Variants in EPB41 observed in about 807,000 individuals in gnomAD.
EPB41 encodes protein 4.1.
Under a neutral mutation model 108.0 loss-of-function variants are expected in EPB41, and 65 were observed. The ratio of observed to expected loss-of-function variants is 0.60; its 90% CI spans 0.49 to 0.74. The LOEUF is 0.74. EPB41 is among the 30% of genes least tolerant of loss of function. The pLI is 0.00. For missense variants in EPB41, 875 were observed against 1,037.0 expected (o/e 0.84, Z 2.15); for synonymous variants, 336 against 358.9 (o/e 0.94, Z 0.72).
At chr1:29,100,284 CAT>C (rs1446185920) in intron 17 of EPB41, among the ~76,000 whole-genome samples, 3 of 136,766 alleles carry the variant, frequency 2.2e-5, no homozygotes, top group Non-Finnish European at 3.3e-5. Flanking sequence ...GCCTGACCAA[CAT>C]AGAGAAACCC....
chr1:28,994,541 A>G (rs1300363469), intron 3 of EPB41, among the ~76,000 whole-genome samples: 1 of 152,174 alleles, frequency 6.6e-6, no homozygotes, highest in African/African-American at 2.4e-5. Flanking sequence ...GTTGTTTATT[A>G]TGATATGCTT....
At chr1:28,947,902 C>T (rs1264472564) in intron 1 of EPB41, among the ~76,000 whole-genome samples, 1 of 152,082 alleles carries the variant, frequency 6.6e-6, no homozygotes, top group Admixed American at 6.6e-5. Context: ...TTAGTTCTTG[C>T]TAACCAGCGA....
chr1:29,016,079 AC>A (rs1357439710), intron 6 of EPB41, among the ~76,000 whole-genome samples: 2 of 152,236 alleles, frequency 1.3e-5, no homozygotes, highest in Admixed American at 1.3e-4. Flanking sequence ...AAAGGGCAAG[AC>A]ACAAATATAG....
intron 3 of EPB41, among the ~76,000 whole-genome samples, chr1:28,996,689 T>G (rs1356655637): frequency 6.6e-6 from 1 of 152,232 alleles, no homozygotes; most frequent in East Asian, 1.9e-4. Flanking sequence ...GTGTATTACA[T>G]ATGTAAACTG....
intron 5 of EPB41, among the ~76,000 whole-genome samples, chr1:29,015,109 C>G (rs879271818): frequency 2.6e-5 from 4 of 152,162 alleles, no homozygotes; most frequent in Admixed American, 2.6e-4. Flanking sequence ...TTATGTAGTT[C>G]TAATCCTTTA....
At chr1:29,107,611 G>C (rs1667606830) in intron 17 of EPB41, among the ~76,000 whole-genome samples, 1 of 151,958 alleles carries the variant, frequency 6.6e-6, no homozygotes, top group Admixed American at 6.6e-5. Flanking sequence ...TCAGCTCTTT[G>C]GGAGGTGGAG....
At chr1:28,994,542 T>G (rs1029189546) in intron 3 of EPB41, among the ~76,000 whole-genome samples, 6 of 152,220 alleles carry the variant, frequency 3.9e-5, no homozygotes, top group African/African-American at 1.4e-4. Flanking sequence ...TTGTTTATTA[T>G]GATATGCTTG....
chr1:29,058,581 A>C lies in EPB41; in HGVS notation c.1846-8A>C. ...AATGTTTTTACTACTTTTATTTCTT[A>C]AATGTAGGTGGAAAAAACCCACATC... On this transcript the variant is annotated splice_polypyrimidine_tract_variant and splice_region_variant and intron_variant, in intron 12 of 20. Transcript: ENST00000343067. The C allele has an allele frequency of 1.2e-6, 2 of 1,612,512 alleles. No individual in the cohort carries two copies. Among genetic ancestry groups the C allele is most frequent in the South Asian group, 2.2e-5 (2 of 90,796 alleles).
intron 1 of EPB41, among the ~76,000 whole-genome samples, chr1:28,983,675 G>A (rs1167994723): frequency 6.6e-6 from 1 of 152,194 alleles, no homozygotes; most frequent in Non-Finnish European, 1.5e-5. Context: ...CTTGGTGCTT[G>A]CAGTACTCAA....
chr1:28,956,139 T>G (rs1449293807), intron 1 of EPB41, among the ~76,000 whole-genome samples: 1 of 152,252 alleles, frequency 6.6e-6, no homozygotes. Context: ...GTACTCTCAT[T>G]TAGCTATTAA....
intron 1 of EPB41, among the ~76,000 whole-genome samples, chr1:28,969,802 G>A (rs2095452451): frequency 6.6e-6 from 1 of 152,200 alleles, no homozygotes. Flanking sequence ...TCGGGAGGCT[G>A]AGGCAGGAGA....
intron 16 of EPB41, among the ~76,000 whole-genome samples, chr1:29,081,146 T>C (rs1656441509): frequency 6.6e-6 from 1 of 152,234 alleles, no homozygotes; most frequent in South Asian, 2.1e-4. Context: ...CTGGTGTGCA[T>C]TCAGTTCTCA....
At chr1:28,972,784 A>G (rs563038447) in intron 1 of EPB41, among the ~76,000 whole-genome samples, 1 of 147,690 alleles carries the variant, frequency 6.8e-6, no homozygotes, top group Admixed American at 6.7e-5. Context: ...TTTTTCCTTT[A>G]GTAGAGACAT....
At chr1:28,961,558 T>C (rs1436637054) in intron 1 of EPB41, among the ~76,000 whole-genome samples, 1 of 152,208 alleles carries the variant, frequency 6.6e-6, no homozygotes, top group Non-Finnish European at 1.5e-5. Flanking sequence ...TCATCTGAAA[T>C]TGTATCTATT....
intron 1 of EPB41, among the ~76,000 whole-genome samples, chr1:28,939,887 A>G (rs767391119): frequency 2.6e-5 from 4 of 152,262 alleles, no homozygotes; most frequent in Non-Finnish European, 5.9e-5. Context: ...TCTGTGAATC[A>G]GGATTTTGGA....
Position 29,115,489 on chromosome 1 carries a change from C to G in EPB41, c.2497-210C>G, listed in dbSNP as rs562211677. Among the ~76,000 whole-genome samples, 54 of 152,326 alleles carry G rather than the reference C, an allele frequency of 3.5e-4. No individual in the cohort carries two copies. Among genetic ancestry groups the G allele is most frequent in the African/African-American group, 1.2e-3 (49 of 41,578 alleles). On this transcript the variant is annotated intron_variant, in intron 19 of 20. Coordinates refer to ENST00000343067, the MANE Select transcript of EPB41 (RefSeq NM_001376013.1). This position sits in a 1 kb window ranked among gnomAD's most constrained non-coding sequence, Gnocchi z 4.4. Reference sequence around the variant, plus strand: ...TCCAGTTCCTAGAAGACAGCGCTAACCTTCCCTGTCCCTGTGTTATCAGTC... The same window carrying G: ...TCCAGTTCCTAGAAGACAGCGCTAAGCTTCCCTGTCCCTGTGTTATCAGTC...
chr1:28,929,887 A>C (rs1422906609), intron 1 of EPB41, among the ~76,000 whole-genome samples: 1 of 143,232 alleles, frequency 7.0e-6, no homozygotes, highest in African/African-American at 2.6e-5. Flanking sequence ...ATTGAGATAT[A>C]ATTAACATAT....
chr1:29,011,084 A>G (rs2096491886), intron 4 of EPB41, among the ~76,000 whole-genome samples: 1 of 141,770 alleles, frequency 7.1e-6, no homozygotes, highest in African/African-American at 2.6e-5. Flanking sequence ...AGATTGCGCC[A>G]TTGCTCTCCA....
intron 1 of EPB41, among the ~76,000 whole-genome samples, chr1:28,959,734 A>C (rs1305796360): frequency 6.6e-6 from 1 of 152,168 alleles, no homozygotes. Flanking sequence ...ATTGGGTTTA[A>C]CTAATTTTTA....
Sources: allele counts gnomAD v4.1 joint callset (sites outside exome capture counted in the v4.1 genomes callset), GRCh38; gene constraint gnomAD v4.1.1; non-coding constraint Gnocchi (gnomAD v3.1); transcripts MANE v1.5; gene names NCBI Gene and HGNC (gene_info 2026-07-23, HGNC 2026-07-21).